Variants in SMAD3 observed in about 807,000 individuals in gnomAD.
The protein encoded by SMAD3 is MAD homolog 3.
A neutral mutation model predicts 51.8 loss-of-function variants in SMAD3; 12 were observed. The ratio of observed to expected loss-of-function variants is 0.23; its 90% CI spans 0.15 to 0.38. SMAD3 has a LOEUF of 0.38. Ranked by LOEUF, SMAD3 falls within the 10% of genes least tolerant of loss-of-function variation. The pLI, the probability that SMAD3 is intolerant of heterozygous loss-of-function variation, is 1.00. For missense variants in SMAD3, 294 were observed against 565.6 expected (o/e 0.52, Z 4.87); for synonymous variants, 238 against 227.7 (o/e 1.05, Z -0.41).
At chr15:67,099,822 T>C (rs1020658822) in intron 1 of SMAD3, among the ~76,000 whole-genome samples, 2 of 152,242 alleles carry the variant, frequency 1.3e-5, no homozygotes, top group Non-Finnish European at 2.9e-5. Flanking sequence ...AGTCTGTGAA[T>C]GATTTACTTA....
chr15:67,085,899 C>CACACACACACACACACAT (rs1555406321), intron 1 of SMAD3, among the ~76,000 whole-genome samples: 18 of 32,506 alleles, frequency 5.5e-4, no homozygotes, highest in African/African-American at 1.6e-3. Context: ...CACACACACA[C>CACACACACACACACACAT]ATACACAGAG....
At chr15:67,111,152 C>T (rs938853854) in intron 1 of SMAD3, among the ~76,000 whole-genome samples, 3 of 152,190 alleles carry the variant, frequency 2.0e-5, no homozygotes, top group African/African-American at 7.2e-5. Context: ...CAGTCACTTC[C>T]TGCCCATCCC....
Position 67,179,416 on chromosome 15 carries a change from C to T in SMAD3, c.659-1825C>T, listed in dbSNP as rs537062833. Reference sequence around the variant, plus strand: ...ATCCTGCAATCTGCAGATCCTCCCTCCCACCCATCCACCCACCCAACAAAG... The same window carrying T: ...ATCCTGCAATCTGCAGATCCTCCCTTCCACCCATCCACCCACCCAACAAAG... On this transcript the variant is annotated intron_variant, in intron 5 of 8. Transcript: ENST00000327367. Among the ~76,000 whole-genome samples the T allele has an allele frequency of 2.6e-5, 4 of 151,694 alleles. No homozygotes were observed. In the South Asian group the frequency reaches 6.3e-4, roughly 24 times the overall value.
intron 6 of SMAD3, among the ~76,000 whole-genome samples, chr15:67,183,165 C>T (rs1483264261): frequency 6.7e-6 from 1 of 150,034 alleles, no homozygotes; most frequent in Non-Finnish European, 1.5e-5. Flanking sequence ...GCTTCAGCCT[C>T]CTGAGTAGCT....
At chr15:67,104,853 T>C (rs1185769673) in intron 1 of SMAD3, among the ~76,000 whole-genome samples, 10 of 152,274 alleles carry the variant, frequency 6.6e-5, no homozygotes, top group Admixed American at 6.5e-4. Context: ...CTGGGGTCTA[T>C]GTCCTGGGAT....
At chr15:67,135,814 T>G (rs1340479819) in intron 1 of SMAD3, among the ~76,000 whole-genome samples, 1 of 152,224 alleles carries the variant, frequency 6.6e-6, no homozygotes, top group Non-Finnish European at 1.5e-5. Flanking sequence ...AACATTTGAA[T>G]TACGGGCAAG....
chr15:67,100,360 A>G (rs1349454516), intron 1 of SMAD3, among the ~76,000 whole-genome samples: 1 of 151,978 alleles, frequency 6.6e-6, no homozygotes, highest in Non-Finnish European at 1.5e-5. Flanking sequence ...GTTGCCAGGG[A>G]TGGAGGAGAG....
At position 67,182,986 on chromosome 15, in the gene SMAD3, T is replaced by TA. The variant is rs35277759; in HGVS notation, c.871+1548dup. On this transcript the variant is annotated intron_variant, in intron 6 of 8. Transcript: ENST00000327367. The stretch of plus-strand genomic sequence containing the variant: ...CAACTGGCTTTTTTCTATATTTTAT[T>TA]AAAAAAAAAAAAAAATATATATATA... Among the ~76,000 whole-genome samples the TA allele has an allele frequency of 5.9e-3, 282 of 48,010 alleles. 7 individuals carry two copies. The highest frequency in any genetic ancestry group is 6.7e-3 in the Non-Finnish European group (205 of 30,628). The allele number at this position is 48,010 out of a possible 152,430, so 31.5% of individuals were successfully genotyped here. A position where few individuals can be genotyped will look rare whatever the true frequency, so the allele number is the denominator to read the frequency against.
intron 1 of SMAD3, among the ~76,000 whole-genome samples, chr15:67,148,874 G>A (rs1411031463): frequency 1.3e-5 from 2 of 152,222 alleles, no homozygotes; most frequent in Non-Finnish European, 2.9e-5. Context: ...AATGTGACCT[G>A]CAAGCCCCTC....
chr15:67,118,870 C>T (rs1961194803), intron 1 of SMAD3, among the ~76,000 whole-genome samples: 1 of 152,198 alleles, frequency 6.6e-6, no homozygotes, highest in Non-Finnish European at 1.5e-5. Context: ...CCCTTGAGCT[C>T]AGGGACATGC....
chr15:67,129,856 C>T (rs542145491), intron 1 of SMAD3, among the ~76,000 whole-genome samples: 1 of 152,314 alleles, frequency 6.6e-6, no homozygotes, highest in Non-Finnish European at 1.5e-5. Flanking sequence ...ATACTTGTGG[C>T]ACATCTCAGT....
intron 1 of SMAD3, chr15:67,099,024 T>A: frequency 1.4e-6 from 1 of 694,530 alleles, no homozygotes; most frequent in East Asian, 2.7e-5. Flanking sequence ...GGATCAACTC[T>A]GTGAGTACCC....
chr15:67,115,454 A>G (rs559184631), intron 1 of SMAD3, among the ~76,000 whole-genome samples: 2 of 152,320 alleles, frequency 1.3e-5, no homozygotes, highest in African/African-American at 4.8e-5. Flanking sequence ...CTCTGAGGTC[A>G]TTTAGTTGCT....
intron 1 of SMAD3, among the ~76,000 whole-genome samples, chr15:67,111,035 G>A (rs1961001794): frequency 6.6e-6 from 1 of 152,164 alleles, no homozygotes; most frequent in African/African-American, 2.4e-5. Context: ...TCTTTTAAGG[G>A]ATATGATTTA....
chr15:67,163,775 T>C (rs1249541067), intron 1 of SMAD3, among the ~76,000 whole-genome samples: 2 of 151,964 alleles, frequency 1.3e-5, no homozygotes, highest in African/African-American at 2.4e-5. Context: ...CACAGGGTCA[T>C]GGCACTGGCC....
chr15:67,173,022 AT>A (rs1962793560), intron 5 of SMAD3, among the ~76,000 whole-genome samples: 1 of 152,150 alleles, frequency 6.6e-6, no homozygotes, highest in South Asian at 2.1e-4. Flanking sequence ...AGACATAGCC[AT>A]CGAGGGGCTA....
At chr15:67,165,148 G>C in intron 2 of SMAD3, 60 bp downstream of exon 2, 2 of 1,575,548 alleles carry the variant, frequency 1.3e-6, no homozygotes, top group Non-Finnish European at 1.7e-6. Flanking sequence ...CCTCTCCCCG[G>C]CTCCCCATCC....
chr15:67,136,016 C>G (rs947820047), intron 1 of SMAD3, among the ~76,000 whole-genome samples: 9 of 152,132 alleles, frequency 5.9e-5, no homozygotes, highest in African/African-American at 1.9e-4. Flanking sequence ...TCCTTCCCAG[C>G]TAGAATTTTG....
chr15:67,079,009 G>A (rs947569409), intron 1 of SMAD3, among the ~76,000 whole-genome samples: 9 of 150,522 alleles, frequency 6.0e-5, no homozygotes, highest in African/African-American at 2.0e-4. Flanking sequence ...ACGGAGTTTC[G>A]CTCTTGTTGC....
Sources: gnomAD v4.1 joint callset for allele counts (sites outside exome capture counted in the v4.1 genomes callset) on GRCh38, gnomAD v4.1.1 for gene constraint, MANE v1.5 for transcripts, NCBI Gene and HGNC (gene_info 2026-07-23, HGNC 2026-07-21) for gene names.